Variants in SORCS1 observed in about 807,000 individuals in gnomAD.
SORCS1 encodes sortilin related VPS10 domain containing receptor 1, also known as VPS10 domain-containing receptor SorCS1.
Under a neutral mutation model 146.1 loss-of-function variants are expected in SORCS1, and 60 were observed. The ratio of observed to expected loss-of-function variants is 0.41; its 90% CI spans 0.33 to 0.51. The LOEUF (loss-of-function observed/expected upper bound fraction) is 0.51. Ranked by LOEUF, SORCS1 falls within the 20% of genes least tolerant of loss-of-function variation. SORCS1 has a pLI of 0.21. For synonymous variants in SORCS1, 637 were observed against 584.0 expected (o/e 1.09, Z -1.31); for missense variants, 1,352 against 1,487.6 (o/e 0.91, Z 1.50).
At chr10:106,927,217 G>A (rs941925434) in intron 2 of SORCS1, among the ~76,000 whole-genome samples, 7 of 152,170 alleles carry the variant, frequency 4.6e-5, no homozygotes, top group Admixed American at 4.6e-4. Context: ...TAAAGGCAGC[G>A]TGTCCGGAGT....
chr10:106,956,958 C>G lies in SORCS1; in HGVS notation c.559-378G>C, dbSNP rs543865799. 3.9e-5 allele frequency among the ~76,000 whole-genome samples: 6 copies of G among 152,300 alleles called. No homozygotes were observed. The East Asian group carries it at 1.2e-3, about 29-fold the overall frequency. On this transcript the variant is annotated intron_variant, in intron 1 of 25. Transcript: ENST00000263054. ...GAAGGTCAATGATTAGTTTCCAGCC[C>G]TAGTAGCTGGGTGCATTGAGCAGAT... is the stretch of plus-strand genomic sequence containing the variant.
chr10:106,654,325 G>A (rs1850111970), intron 17 of SORCS1, among the ~76,000 whole-genome samples: 1 of 152,126 alleles, frequency 6.6e-6, no homozygotes, highest in African/African-American at 2.4e-5. Context: ...AGATTCATAG[G>A]TGTCAACTAG....
intron 2 of SORCS1, among the ~76,000 whole-genome samples, chr10:106,893,502 A>G (rs1951317925): frequency 6.6e-6 from 1 of 152,202 alleles, no homozygotes. Flanking sequence ...CATATATTAC[A>G]TGCAATAATT....
chr10:106,865,951 T>C (rs1405253016), intron 2 of SORCS1, among the ~76,000 whole-genome samples: 1 of 150,908 alleles, frequency 6.6e-6, no homozygotes, highest in African/African-American at 2.4e-5. Context: ...GAGAATCACT[T>C]GAACCTGGGA....
intron 1 of SORCS1, among the ~76,000 whole-genome samples, chr10:107,023,915 A>T (rs750944329): frequency 2.0e-5 from 3 of 152,132 alleles, no homozygotes; most frequent in Non-Finnish European, 4.4e-5. Context: ...TAAAAAAGAA[A>T]ACCTAAGGCT....
chr10:106,902,625 CTGG>C (rs1213806880), intron 2 of SORCS1, among the ~76,000 whole-genome samples: 2 of 152,166 alleles, frequency 1.3e-5, no homozygotes, highest in Admixed American at 6.5e-5. Context: ...ATAGGTATAA[CTGG>C]TGGTGGTCTT....
At chr10:107,023,297 C>CA (rs1436071952) in intron 1 of SORCS1, among the ~76,000 whole-genome samples, 2 of 152,194 alleles carry the variant, frequency 1.3e-5, no homozygotes, top group African/African-American at 4.8e-5. Flanking sequence ...GACATTCCTG[C>CA]ATCAAACCGA....
At chr10:106,679,824 C>T in intron 10 of SORCS1, 90 bp from the exon 11 acceptor site, 1 of 1,017,122 alleles carries the variant, frequency 9.8e-7, no homozygotes, top group Non-Finnish European at 1.5e-6. Context: ...ATCTAACCAA[C>T]CATCCCATTT....
intron 2 of SORCS1, among the ~76,000 whole-genome samples, chr10:106,942,586 C>G (rs1954098468): frequency 6.6e-6 from 1 of 152,192 alleles, no homozygotes; most frequent in Non-Finnish European, 1.5e-5. Flanking sequence ...ACGTCCATCT[C>G]CCACTCAACA....
intron 21 of SORCS1, among the ~76,000 whole-genome samples, chr10:106,615,625 G>A (rs1338034264): frequency 6.6e-6 from 1 of 152,056 alleles, no homozygotes; most frequent in African/African-American, 2.4e-5. Flanking sequence ...ACCAGCCTGG[G>A]CAACATAGGG....
intron 1 of SORCS1, among the ~76,000 whole-genome samples, chr10:106,999,802 G>A (rs980759711): frequency 3.9e-5 from 6 of 152,140 alleles, no homozygotes; most frequent in African/African-American, 1.2e-4. Flanking sequence ...TGATGAAAAC[G>A]GGATTTCTGA....
chr10:106,732,615 A>C (rs139966895), intron 5 of SORCS1, among the ~76,000 whole-genome samples: 1 of 152,346 alleles, frequency 6.6e-6, no homozygotes, highest in East Asian at 1.9e-4. Context: ...AGTACCCCAG[A>C]AACACAAGGT....
At chr10:107,141,263 G>C (rs1440351791) in intron 1 of SORCS1, among the ~76,000 whole-genome samples, 1 of 152,102 alleles carries the variant, frequency 6.6e-6, no homozygotes, top group East Asian at 1.9e-4. Flanking sequence ...GTTTTATCTT[G>C]GCTACTTTTG....
At chr10:106,961,133 C>T (rs559109621) in intron 1 of SORCS1, among the ~76,000 whole-genome samples, 3 of 152,240 alleles carry the variant, frequency 2.0e-5, no homozygotes, top group East Asian at 1.9e-4. Flanking sequence ...AAGACTGTTC[C>T]ACTGTAAATT....
At chr10:107,062,199 CTTTA>C (rs1021299880) in intron 1 of SORCS1, among the ~76,000 whole-genome samples, 2 of 152,074 alleles carry the variant, frequency 1.3e-5, no homozygotes, top group Admixed American at 6.6e-5. Context: ...TAACAATAAT[CTTTA>C]TTTATAAGGA....
intron 2 of SORCS1, among the ~76,000 whole-genome samples, chr10:106,923,493 T>A (rs746253287): frequency 1.1e-4 from 16 of 152,188 alleles, no homozygotes; most frequent in Non-Finnish European, 2.2e-4. Flanking sequence ...AGCTTGATTG[T>A]TGGATCTTAC....
chr10:107,046,452 C>T (rs1959460522), intron 1 of SORCS1, among the ~76,000 whole-genome samples: 1 of 151,758 alleles, frequency 6.6e-6, no homozygotes, highest in African/African-American at 2.4e-5. Flanking sequence ...TTCTGTACTA[C>T]TAATAATATA....
At chr10:106,850,441 G>T (rs949016998) in intron 2 of SORCS1, among the ~76,000 whole-genome samples, 1 of 151,956 alleles carries the variant, frequency 6.6e-6, no homozygotes, top group African/African-American at 2.4e-5. Context: ...GCCCTGCTTC[G>T]GCTCGCACAC....
chr10:106,764,977 C>G (rs1486369210), intron 4 of SORCS1, among the ~76,000 whole-genome samples: 7 of 139,500 alleles, frequency 5.0e-5, no homozygotes, highest in Non-Finnish European at 9.0e-5. Context: ...GAGCCGAGAT[C>G]GCGCCACTGC....
Sources: gnomAD v4.1 joint callset for allele counts (sites outside exome capture counted in the v4.1 genomes callset) on GRCh38, gnomAD v4.1.1 for gene constraint, MANE v1.5 for transcripts, NCBI Gene and HGNC (gene_info 2026-07-23, HGNC 2026-07-21) for gene names.